The following AUTS2 variants were observed in gnomAD, a reference collection of about 807,000 sequenced individuals.
The protein encoded by AUTS2 is activator of transcription and developmental regulator AUTS2.
Under a neutral mutation model 112.4 loss-of-function variants are expected in AUTS2, and 17 were observed. That is an observed-to-expected ratio of 0.15 (90% CI 0.10 to 0.23). The LOEUF (loss-of-function observed/expected upper bound fraction) is 0.23. Ranked by LOEUF, AUTS2 falls within the 10% of genes least tolerant of loss-of-function variation. AUTS2 has a pLI of 1.00. For synonymous variants in AUTS2, 751 were observed against 702.7 expected, an observed-to-expected ratio of 1.07 and a Z score of -1.09; for missense variants, 1,510 against 1,701.6, an observed-to-expected ratio of 0.89 and a Z score of 1.98.
At chr7:70,332,562 A>G (rs965520397) in intron 4 of AUTS2, among the ~76,000 whole-genome samples, 7 of 152,190 alleles carry the variant, frequency 4.6e-5, no homozygotes, top group Non-Finnish European at 1.0e-4. Context: ...ACTTCAAACT[A>G]TACTACAAGG....
chr7:70,557,610 G>A (rs1171713776), intron 5 of AUTS2, among the ~76,000 whole-genome samples: 1 of 152,206 alleles, frequency 6.6e-6, no homozygotes, highest in Non-Finnish European at 1.5e-5. Flanking sequence ...AAGCCCCAGA[G>A]CCCATTACCA....
intron 4 of AUTS2, among the ~76,000 whole-genome samples, chr7:70,274,400 T>C (rs1787833886): frequency 6.6e-6 from 1 of 152,080 alleles, no homozygotes; most frequent in Admixed American, 6.6e-5. Context: ...GCTCAAGCGA[T>C]CCTCCCACCT....
intron 4 of AUTS2, among the ~76,000 whole-genome samples, chr7:70,387,854 C>G (rs1280276443): frequency 6.6e-6 from 1 of 152,180 alleles, no homozygotes; most frequent in Non-Finnish European, 1.5e-5. Context: ...TCTGCTCATT[C>G]CATCTTCTAC....
chr7:70,679,993 C>CTTG, intron 5 of AUTS2, among the ~76,000 whole-genome samples: 1 of 152,316 alleles, frequency 6.6e-6, no homozygotes, highest in African/African-American at 2.4e-5. Context: ...AGGAGGCTCA[C>CTTG]TTGTACCTTG....
intron 4 of AUTS2, among the ~76,000 whole-genome samples, chr7:70,206,074 CTTG>C (rs892753260): frequency 4.6e-5 from 7 of 152,296 alleles, no homozygotes; most frequent in South Asian, 2.1e-4. Context: ...GGTTAAATAA[CTTG>C]TTGTAGGACA....
At chr7:70,469,033 A>G (rs1197583246) in intron 5 of AUTS2, among the ~76,000 whole-genome samples, 1 of 152,250 alleles carries the variant, frequency 6.6e-6, no homozygotes, top group African/African-American at 2.4e-5. Context: ...TCTGCACCAA[A>G]GTTGCAGAAG....
chr7:69,648,176 C>T (rs1434480907), intron 1 of AUTS2, among the ~76,000 whole-genome samples: 1 of 152,070 alleles, frequency 6.6e-6, no homozygotes, highest in East Asian at 1.9e-4. Flanking sequence ...GCATGGGTTC[C>T]CAAAGCATGA....
chr7:69,988,964 G>A (rs972428566), intron 2 of AUTS2, among the ~76,000 whole-genome samples: 1 of 152,096 alleles, frequency 6.6e-6, no homozygotes, highest in Non-Finnish European at 1.5e-5. Context: ...AGATGGAAAG[G>A]GGCAGGAAAA....
intron 1 of AUTS2, among the ~76,000 whole-genome samples, chr7:69,612,133 T>TA (rs1367659442): frequency 1.3e-5 from 2 of 152,176 alleles, no homozygotes; most frequent in African/African-American, 4.8e-5. Flanking sequence ...ACATTATTGA[T>TA]AGTCTTAATG....
At chr7:70,519,660 C>T (rs1019109866) in intron 5 of AUTS2, among the ~76,000 whole-genome samples, 1 of 152,146 alleles carries the variant, frequency 6.6e-6, no homozygotes, top group African/African-American at 2.4e-5. Flanking sequence ...CTCCCAACAG[C>T]TCATTTAGAT....
intron 5 of AUTS2, among the ~76,000 whole-genome samples, chr7:70,633,350 G>A (rs138619012): frequency 6.6e-6 from 1 of 152,252 alleles, no homozygotes; most frequent in Non-Finnish European, 1.5e-5. Flanking sequence ...AGGTGCAGTG[G>A]CTCACGCCTG....
intron 1 of AUTS2, among the ~76,000 whole-genome samples, chr7:69,887,796 C>T (rs1794341217): frequency 6.6e-6 from 1 of 152,050 alleles, no homozygotes; most frequent in African/African-American, 2.4e-5. Flanking sequence ...TACTGAGATC[C>T]AGTAAATTAT....
chr7:70,538,032 T>G (rs561467528), intron 5 of AUTS2, among the ~76,000 whole-genome samples: 5 of 152,104 alleles, frequency 3.3e-5, no homozygotes, highest in African/African-American at 1.2e-4. Context: ...GGCCAGGAGT[T>G]TGAGACTAGC....
intron 1 of AUTS2, among the ~76,000 whole-genome samples, chr7:69,857,278 A>C: frequency 6.6e-6 from 1 of 152,170 alleles, no homozygotes; most frequent in African/African-American, 2.4e-5. Context: ...GCAGTCCTGG[A>C]AATGAGCCCT....
intron 13 of AUTS2, 51 bp downstream of exon 13, chr7:70,775,437 T>C: frequency 6.9e-7 from 1 of 1,449,496 alleles, no homozygotes; most frequent in Non-Finnish European, 9.6e-7. Flanking sequence ...TGACTCCCTG[T>C]GGGTTAAAAA....
At chr7:70,721,535 G>A (rs12698919) in intron 6 of AUTS2, among the ~76,000 whole-genome samples, 45,904 of 151,928 alleles carry the variant, frequency 0.3, 7,988 homozygotes, top group East Asian at 0.68. Context: ...CCTGACCTCA[G>A]GTGATCCACC....
intron 5 of AUTS2, among the ~76,000 whole-genome samples, chr7:70,538,768 C>T (rs1800427015): frequency 6.6e-6 from 1 of 152,186 alleles, no homozygotes; most frequent in Non-Finnish European, 1.5e-5. Flanking sequence ...AGACCTTTCC[C>T]ATATTCCATT....
At chr7:69,995,131 T>G (rs1003070669) in intron 2 of AUTS2, among the ~76,000 whole-genome samples, 1 of 152,168 alleles carries the variant, frequency 6.6e-6, no homozygotes, top group African/African-American at 2.4e-5. Context: ...CCACCACTGA[T>G]GGATCACATG....
chr7:70,149,737 G>T (rs181518008), intron 4 of AUTS2, among the ~76,000 whole-genome samples: 2 of 152,126 alleles, frequency 1.3e-5, no homozygotes, highest in African/African-American at 4.8e-5. Flanking sequence ...TAGAAATGGT[G>T]TAACTATCCA....
Sources: allele counts gnomAD v4.1 joint callset (sites outside exome capture counted in the v4.1 genomes callset), GRCh38; gene constraint gnomAD v4.1.1; transcripts MANE v1.5; gene names NCBI Gene and HGNC (gene_info 2026-07-23, HGNC 2026-07-21).